Variants in TTC28 observed in about 807,000 individuals in gnomAD.
TTC28 encodes tetratricopeptide repeat protein 28.
In TTC28, 61 loss-of-function variants were observed where a neutral mutation model predicts 198.0. The observed-to-expected ratio is 0.31, with a 90% confidence interval of 0.25 to 0.38. The LOEUF is 0.38. Ranked by LOEUF, TTC28 falls within the 10% of genes least tolerant of loss-of-function variation. The pLI is 1.00. For missense variants in TTC28, 2,678 were observed against 3,164.0 expected (o/e 0.85, Z 3.69); for synonymous variants, 1,171 against 1,297.8 (o/e 0.90, Z 2.10).
chr22:28,366,916 C>T lies in TTC28; in HGVS notation c.382-60273G>A, dbSNP rs570009332. On this transcript the variant is annotated intron_variant, in intron 2 of 22. Transcript: ENST00000397906. ...CGTGTAAATATACATGCACCCAACA[C>T]CAGAGCACCAAGATAGAAAAAGCAA... 2.6e-5 allele frequency among the ~76,000 whole-genome samples: 4 copies of T among 152,032 alleles called. No individual in the cohort carries two copies. The East Asian group carries it at 7.7e-4, about 29-fold the overall frequency.
intron 5 of TTC28, among the ~76,000 whole-genome samples, chr22:28,227,183 C>A (rs1385808090): frequency 3.3e-5 from 5 of 152,120 alleles, no homozygotes; most frequent in Non-Finnish European, 7.4e-5. Context: ...TCCTCTGACC[C>A]TGGCCTCTCA....
chr22:28,133,834 T>A (rs1943123322), intron 6 of TTC28, among the ~76,000 whole-genome samples: 1 of 152,184 alleles, frequency 6.6e-6, no homozygotes, highest in African/African-American at 2.4e-5. Context: ...GACTTAAATG[T>A]CCCTGTCTGA....
At chr22:28,050,294 G>A (rs1940039435) in intron 12 of TTC28, among the ~76,000 whole-genome samples, 1 of 152,128 alleles carries the variant, frequency 6.6e-6, no homozygotes, top group South Asian at 2.1e-4. Context: ...GCAATCAGGG[G>A]CTGAGAAGCT....
chr22:28,152,216 G>A (rs1006388814), intron 6 of TTC28, among the ~76,000 whole-genome samples: 1 of 152,164 alleles, frequency 6.6e-6, no homozygotes, highest in African/African-American at 2.4e-5. Context: ...AGGAGAAAGG[G>A]CCGCTCCCTC....
rs867645961 is a variant in TTC28 at position 28,025,342 on chromosome 22, G to A, written c.4073+4884C>T. On this transcript the variant is annotated intron_variant, in intron 13 of 22. Transcript: ENST00000397906. ...ATTGCATCCTAGTAACTACTCCATC[G>A]GTAAGCAAACGTAAAAAGCTCAAGG... Among the ~76,000 whole-genome samples, 6 of 152,228 alleles carry A rather than the reference G, an allele frequency of 3.9e-5. No individual in the cohort carries two copies. The South Asian group carries it at 6.2e-4, about 16-fold the overall frequency.
chr22:28,386,158 C>T (rs966955253), intron 2 of TTC28, among the ~76,000 whole-genome samples: 4 of 149,696 alleles, frequency 2.7e-5, no homozygotes, highest in Non-Finnish European at 6.0e-5. Flanking sequence ...GCCTGTAGTC[C>T]TAGCTACTTG....
intron 5 of TTC28, among the ~76,000 whole-genome samples, chr22:28,223,094 C>T (rs947060164): frequency 4.6e-5 from 7 of 152,154 alleles, no homozygotes; most frequent in African/African-American, 7.2e-5. Flanking sequence ...TGTCCAGACG[C>T]TCTCAGCATG....
At chr22:28,223,760 A>C (rs1928064323) in intron 5 of TTC28, among the ~76,000 whole-genome samples, 1 of 152,248 alleles carries the variant, frequency 6.6e-6, no homozygotes, top group Non-Finnish European at 1.5e-5. Flanking sequence ...AAAAATGGAA[A>C]ATGAAAAGAA....
chr22:28,177,933 T>C (rs1414311592), intron 5 of TTC28, among the ~76,000 whole-genome samples: 1 of 152,156 alleles, frequency 6.6e-6, no homozygotes, highest in Non-Finnish European at 1.5e-5. Context: ...CATGACATTA[T>C]AAATTTGTCA....
intron 13 of TTC28, chr22:28,029,140 G>C (rs1406078446): frequency 2.1e-6 from 1 of 470,890 alleles, no homozygotes; most frequent in African/African-American, 2.0e-5. Flanking sequence ...AAAGCCATGA[G>C]GGACACCTGT....
At chr22:28,080,531 TTTGTTGTTG>T (rs144270652) in intron 12 of TTC28, among the ~76,000 whole-genome samples, 119 of 152,008 alleles carry the variant, frequency 7.8e-4, no homozygotes, top group African/African-American at 2.8e-3. Context: ...TAAATTGGAT[TTTGTTGTTG>T]TTGTTGTTGT....
chr22:28,230,918 T>C (rs1314884830), intron 5 of TTC28, among the ~76,000 whole-genome samples: 1 of 152,244 alleles, frequency 6.6e-6, no homozygotes, highest in African/African-American at 2.4e-5. Context: ...TTAAGAGAGA[T>C]GTGTGCACCT....
At chr22:28,452,664 T>C (rs767045403) in intron 2 of TTC28, among the ~76,000 whole-genome samples, 12 of 152,122 alleles carry the variant, frequency 7.9e-5, no homozygotes, top group Non-Finnish European at 1.8e-4. Context: ...CATAGTCATT[T>C]TGTGGGGGAA....
chr22:28,088,734 A>G (rs1941711775), intron 12 of TTC28, among the ~76,000 whole-genome samples: 1 of 152,212 alleles, frequency 6.6e-6, no homozygotes, highest in South Asian at 2.1e-4. Flanking sequence ...CCAACCTACA[A>G]AATGGGAAAA....
intron 2 of TTC28, among the ~76,000 whole-genome samples, chr22:28,395,755 A>G (rs2046805581): frequency 6.6e-6 from 1 of 152,230 alleles, no homozygotes; most frequent in Non-Finnish European, 1.5e-5. Context: ...ATGCTGCTCA[A>G]CCTAATTATT....
At chr22:28,147,207 A>C (rs988547106) in intron 6 of TTC28, among the ~76,000 whole-genome samples, 1 of 152,244 alleles carries the variant, frequency 6.6e-6, no homozygotes, top group South Asian at 2.1e-4. Flanking sequence ...CAACATGCAG[A>C]AACTGGTTCT....
chr22:27,999,373 C>T, intron 15 of TTC28, 113 bp from the exon 16 acceptor site: 3 of 1,400,554 alleles, frequency 2.1e-6, no homozygotes, highest in Non-Finnish European at 2.8e-6. Context: ...AGCTTGAATC[C>T]ACCTGTTTCC....
intron 2 of TTC28, among the ~76,000 whole-genome samples, chr22:28,615,726 A>T (rs1017996303): frequency 6.9e-6 from 1 of 144,010 alleles, no homozygotes; most frequent in African/African-American, 2.5e-5. Context: ...GTTTGCACTC[A>T]TAAGTGGGTG....
intron 1 of TTC28, among the ~76,000 whole-genome samples, chr22:28,677,509 G>A (rs932700537): frequency 4.6e-5 from 7 of 152,048 alleles, no homozygotes; most frequent in Admixed American, 2.6e-4. Flanking sequence ...AAAATTAGCC[G>A]GGTCTAGTAA....
Sources: allele counts gnomAD v4.1 joint callset (sites outside exome capture counted in the v4.1 genomes callset), GRCh38; gene constraint gnomAD v4.1.1; transcripts MANE v1.5; gene names NCBI Gene and HGNC (gene_info 2026-07-23, HGNC 2026-07-21).